Variants in LRRC7 observed in about 807,000 individuals in gnomAD.
LRRC7 encodes leucine rich repeat containing 7.
A neutral mutation model predicts 175.7 loss-of-function variants in LRRC7; 23 were observed. The observed-to-expected ratio is 0.13, with a 90% CI of 0.09 to 0.19. LRRC7 has a LOEUF of 0.19. LRRC7 is among the 10% of genes least tolerant of loss of function. The probability of loss-of-function intolerance (pLI) is 1.00; values close to 1 mark genes in which losing one functional copy is unlikely to be tolerated. For synonymous variants in LRRC7, 685 were observed against 680.9 expected (o/e 1.01, Z -0.09); for missense variants, 1,354 against 1,904.7 (o/e 0.71, Z 5.38).
intron 7 of LRRC7, among the ~76,000 whole-genome samples, chr1:69,860,437 G>T (rs1684237727): frequency 6.6e-6 from 1 of 151,932 alleles, no homozygotes; most frequent in Admixed American, 6.6e-5. Flanking sequence ...CCTTAAAGGT[G>T]GATTAGGGAT....
At chr1:70,058,864 T>G (rs192400924) in intron 23 of LRRC7, among the ~76,000 whole-genome samples, 7 of 152,328 alleles carry the variant, frequency 4.6e-5, no homozygotes, top group Admixed American at 2.0e-4. Flanking sequence ...AAATCCTCTA[T>G]AGGGATGACA....
chr1:70,021,920 T>A (rs17131128), intron 16 of LRRC7, among the ~76,000 whole-genome samples: 3,779 of 152,274 alleles, frequency 0.025, 160 homozygotes, highest in African/African-American at 0.087. Context: ...CTATCATGGC[T>A]ACTAACAGCT....
chr1:69,693,545 G>C (rs1159924483), intron 2 of LRRC7, among the ~76,000 whole-genome samples: 2 of 152,150 alleles, frequency 1.3e-5, no homozygotes, highest in African/African-American at 2.4e-5. Context: ...AGAAAGGTTG[G>C]TCTTTTTCTG....
chr1:69,834,716 AT>A (rs11310186), intron 5 of LRRC7, 63 bp from the exon 6 acceptor site: 71,076 of 1,193,384 alleles, frequency 0.06, 2,922 homozygotes, highest in East Asian at 0.18. Context: ...AGAGATACAT[AT>A]TTTTTTTGTT....
At chr1:69,849,571 A>G (rs891070917) in intron 7 of LRRC7, among the ~76,000 whole-genome samples, 21 of 151,962 alleles carry the variant, frequency 1.4e-4, no homozygotes, top group Non-Finnish European at 2.1e-4. Context: ...GTATTTTAAT[A>G]TATATACTTT....
chr1:69,690,602 G>A (rs1661734872), intron 2 of LRRC7, among the ~76,000 whole-genome samples: 1 of 152,086 alleles, frequency 6.6e-6, no homozygotes, highest in Non-Finnish European at 1.5e-5. Flanking sequence ...AAGCTTCCCT[G>A]ATGCCTCTCC....
At chr1:70,045,830 A>G (rs1050406990) in intron 22 of LRRC7, among the ~76,000 whole-genome samples, 1 of 152,142 alleles carries the variant, frequency 6.6e-6, no homozygotes, top group African/African-American at 2.4e-5. Context: ...TTGCTTGTGC[A>G]GGGGAACTCC....
chr1:69,676,888 T>G (rs1659840102), intron 1 of LRRC7, among the ~76,000 whole-genome samples: 1 of 152,028 alleles, frequency 6.6e-6, no homozygotes. Flanking sequence ...ACCTGGATAG[T>G]GAACATTGTA....
chr1:69,636,939 A>G (rs1653459838), intron 1 of LRRC7, among the ~76,000 whole-genome samples: 2 of 152,046 alleles, frequency 1.3e-5, no homozygotes, highest in South Asian at 4.1e-4. Flanking sequence ...ATGATGTTTC[A>G]ACTTTGTTTA....
chr1:69,776,035 A>C (rs1403878172), intron 3 of LRRC7, among the ~76,000 whole-genome samples: 1 of 152,184 alleles, frequency 6.6e-6, no homozygotes, highest in Non-Finnish European at 1.5e-5. Flanking sequence ...GAGCAGCCCA[A>C]AGTGAAAAGT....
At chr1:69,628,088 A>G (rs915403497) in intron 1 of LRRC7, among the ~76,000 whole-genome samples, 3 of 152,168 alleles carry the variant, frequency 2.0e-5, no homozygotes, top group African/African-American at 7.2e-5. Context: ...AGGCAAAAAT[A>G]TCTCTCTCAC....
chr1:69,711,120 C>T (rs1390293138), intron 2 of LRRC7, among the ~76,000 whole-genome samples: 1 of 152,170 alleles, frequency 6.6e-6, no homozygotes, highest in Non-Finnish European at 1.5e-5. Flanking sequence ...CCTAATGAAT[C>T]TCTGAAGATA....
At chr1:70,032,247 C>T (rs2102006996) in intron 18 of LRRC7, among the ~76,000 whole-genome samples, 1 of 152,284 alleles carries the variant, frequency 6.6e-6, no homozygotes, top group South Asian at 2.1e-4. Flanking sequence ...TTAATTGCAA[C>T]AACACCCATG....
chr1:69,738,140 A>G (rs997650216), intron 2 of LRRC7, among the ~76,000 whole-genome samples: 3 of 152,070 alleles, frequency 2.0e-5, no homozygotes, highest in Admixed American at 1.3e-4. Flanking sequence ...AGGACCATCT[A>G]TGTCTCACTG....
At chr1:70,020,953 T>C in intron 15 of LRRC7, 52 bp from the exon 16 acceptor site, 27 of 1,511,748 alleles carry the variant, frequency 1.8e-5, no homozygotes, top group Non-Finnish European at 2.3e-5. Context: ...TTAAATACTT[T>C]GTGTAAAATT....
chr1:69,728,389 T>A (rs559287524), intron 2 of LRRC7, among the ~76,000 whole-genome samples: 2 of 152,266 alleles, frequency 1.3e-5, no homozygotes, highest in African/African-American at 4.8e-5. Flanking sequence ...AGAATGCATT[T>A]AACAAGAAAT....
chr1:69,830,287 G>C (rs1198879515), intron 5 of LRRC7, among the ~76,000 whole-genome samples: 2 of 151,762 alleles, frequency 1.3e-5, no homozygotes, highest in African/African-American at 4.8e-5. Context: ...TAAGTAGAGT[G>C]ACCAAGTGTC....
intron 23 of LRRC7, among the ~76,000 whole-genome samples, chr1:70,054,733 G>A (rs1215663032): frequency 6.6e-6 from 1 of 151,806 alleles, no homozygotes; most frequent in Non-Finnish European, 1.5e-5. Flanking sequence ...CCGAGTAGCT[G>A]GGACTACAGG....
intron 1 of LRRC7, among the ~76,000 whole-genome samples, chr1:69,636,424 G>GAC (rs55772671): frequency 0.15 from 22,025 of 150,536 alleles, 1,732 homozygotes; most frequent in East Asian, 0.36. Context: ...TCCAGGCACA[G>GAC]ACACACACAC....
Sources: gnomAD v4.1 joint callset for allele counts (sites outside exome capture counted in the v4.1 genomes callset) on GRCh38, gnomAD v4.1.1 for gene constraint, MANE v1.5 for transcripts, NCBI Gene and HGNC (gene_info 2026-07-23, HGNC 2026-07-21) for gene names.